The following PPFIBP2 variants were observed in gnomAD, a reference collection of about 807,000 sequenced individuals.
The protein encoded by PPFIBP2 is PPFIB scaffold protein 2.
PPFIBP2 carries 118 observed loss-of-function variants against 118.3 expected under a neutral mutation model. The observed-to-expected ratio is 1.00, with a 90% CI of 0.86 to 1.16. The LOEUF (loss-of-function observed/expected upper bound fraction) is 1.16. Among genes scored for constraint, PPFIBP2 ranks in the 50% most tolerant of loss-of-function variants. The pLI is 0.00. For missense variants in PPFIBP2, 1,195 were observed against 1,073.1 expected, an observed-to-expected ratio of 1.11 and a Z score of -1.59; for synonymous variants, 414 against 397.4, an observed-to-expected ratio of 1.04 and a Z score of -0.50.
At chr11:7,608,627 C>T (rs1006589407) in intron 5 of PPFIBP2, among the ~76,000 whole-genome samples, 13 of 151,950 alleles carry the variant, frequency 8.6e-5, no homozygotes, top group East Asian at 1.9e-4. Flanking sequence ...GCAAAAAGAG[C>T]GAAACGCTGT....
Position 7,593,155 on chromosome 11 carries a change from T to C in PPFIBP2, c.303T>C (p.Ala101=). Residue 101 remains alanine (A), a synonymous_variant, in exon 4 of 24, where the codon GCT becomes GCC. Coordinates refer to ENST00000299492, the MANE Select transcript of PPFIBP2 (RefSeq NM_003621.5). ...ESLSQVNHHS[A]ASNETYQERL... is the part of the protein sequence containing the mutation. ...AGTCCCAGGTAAACCACCACAGTGC[T>C]GCTAGTAATGAAACCTACCAGGAAC... 1 of 1,614,116 alleles carries C rather than the reference T, an allele frequency of 6.2e-7. No homozygotes were observed.
intron 1 of PPFIBP2, among the ~76,000 whole-genome samples, chr11:7,514,647 T>G (rs75354203): frequency 0.051 from 7,693 of 152,316 alleles, 315 homozygotes; most frequent in Admixed American, 0.12. Context: ...TTTTAAAATC[T>G]AAAGCCGCCG....
At chr11:7,603,001 AT>A (rs1846860216) in intron 5 of PPFIBP2, among the ~76,000 whole-genome samples, 1 of 152,242 alleles carries the variant, frequency 6.6e-6, no homozygotes, top group Admixed American at 6.5e-5. Flanking sequence ...AGCATGAGCT[AT>A]CACACAGTGA....
intron 1 of PPFIBP2, among the ~76,000 whole-genome samples, chr11:7,520,058 G>T (rs912322753): frequency 6.6e-6 from 1 of 152,112 alleles, no homozygotes; most frequent in Non-Finnish European, 1.5e-5. Context: ...CCCAGGTTTC[G>T]GCACCAGATG....
chr11:7,661,037 T>C (rs180966999), downstream of PPFIBP2, among the ~76,000 whole-genome samples: 841 of 151,944 alleles, frequency 5.5e-3, 2 homozygotes, highest in Non-Finnish European at 9.7e-3. Context: ...TTCTTCTCTC[T>C]TTTTTTCTTT....
intron 1 of PPFIBP2, among the ~76,000 whole-genome samples, chr11:7,541,742 C>T (rs915074673): frequency 1.3e-5 from 2 of 152,200 alleles, no homozygotes; most frequent in African/African-American, 4.8e-5. Context: ...GGCTACTCAG[C>T]GTAACTTCCT....
chr11:7,525,039 C>A (rs549685577), intron 1 of PPFIBP2, among the ~76,000 whole-genome samples: 3 of 152,118 alleles, frequency 2.0e-5, no homozygotes, highest in Non-Finnish European at 4.4e-5. Context: ...CACAATGCCC[C>A]GGGCAGGGAT....
chr11:7,614,082 T>C (rs564514612), intron 6 of PPFIBP2, among the ~76,000 whole-genome samples: 52 of 152,298 alleles, frequency 3.4e-4, no homozygotes, highest in African/African-American at 1.2e-3. Flanking sequence ...TCTGGGAAGA[T>C]TGTGTTTGCT....
chr11:7,538,742 C>T (rs1170263798), intron 1 of PPFIBP2, among the ~76,000 whole-genome samples: 2 of 152,152 alleles, frequency 1.3e-5, no homozygotes, highest in Admixed American at 1.3e-4. Flanking sequence ...GTGCATAAAA[C>T]TCACTAACCT....
At chr11:7,594,115 A>G (rs1859849090) in intron 4 of PPFIBP2, among the ~76,000 whole-genome samples, 1 of 152,142 alleles carries the variant, frequency 6.6e-6, no homozygotes, top group Non-Finnish European at 1.5e-5. Flanking sequence ...CACTAAGGTT[A>G]TGAGGTGGCA....
In PPFIBP2 at chr11:7,648,670, G is replaced by T. The variant is rs921912762; in HGVS notation, c.1798-130G>T. ...GGCTGAGAGTTCCTCTGTAGCTGCA[G>T]GTTGGCATCCCAGGGCACGGTGTGG... On this transcript the variant is annotated intron_variant, in intron 18 of 23. Coordinates refer to ENST00000299492, the MANE Select transcript of PPFIBP2 (RefSeq NM_003621.5). 4.1e-5 allele frequency: 60 copies of T among 1,460,696 alleles called. 1 individual carries two copies. The South Asian group carries it at 6.1e-4, about 15-fold the overall frequency. The allele number at this position is 1,460,696 out of a possible 1,614,324, so 90.5% of individuals were successfully genotyped here.
chr11:7,582,117 C>T (rs930057318), intron 3 of PPFIBP2, among the ~76,000 whole-genome samples: 4 of 120,780 alleles, frequency 3.3e-5, no homozygotes, highest in African/African-American at 1.3e-4. Context: ...GGATTACAGG[C>T]GTGAGCCACC....
intron 2 of PPFIBP2, among the ~76,000 whole-genome samples, chr11:7,559,375 G>T (rs1190109873): frequency 6.6e-6 from 1 of 152,096 alleles, no homozygotes; most frequent in Non-Finnish European, 1.5e-5. Context: ...TTTTACAGGA[G>T]GTAATTGTGG....
At chr11:7,664,280 C>T in the PPFIBP2 span, among the ~76,000 whole-genome samples, 14 of 152,146 alleles carry the variant, frequency 9.2e-5, no homozygotes, top group South Asian at 1.2e-3. Flanking sequence ...CCAGGTATGC[C>T]GGAGAGGAAG....
At chr11:7,543,428 C>T (rs976147985) in intron 1 of PPFIBP2, among the ~76,000 whole-genome samples, 6 of 152,178 alleles carry the variant, frequency 3.9e-5, no homozygotes, top group Admixed American at 3.3e-4. Context: ...CTGAGGCCTC[C>T]TTCCCCAGGC....
intron 3 of PPFIBP2, among the ~76,000 whole-genome samples, chr11:7,592,048 C>T (rs1859411316): frequency 6.6e-6 from 1 of 152,214 alleles, no homozygotes; most frequent in African/African-American, 2.4e-5. Context: ...TAAGACTTTC[C>T]TCTAGGGTGG....
chr11:7,579,888 T>C (rs1857008903), intron 3 of PPFIBP2, among the ~76,000 whole-genome samples: 1 of 152,010 alleles, frequency 6.6e-6, no homozygotes, highest in African/African-American at 2.4e-5. Context: ...ATTGGCAGTG[T>C]GATAAGAGTA....
intron 2 of PPFIBP2, among the ~76,000 whole-genome samples, chr11:7,562,825 C>T (rs1236992915): frequency 1.3e-5 from 2 of 150,288 alleles, no homozygotes; most frequent in Non-Finnish European, 3.0e-5. Context: ...AGCTCAGGGA[C>T]AAAATATTTA....
intron 6 of PPFIBP2, among the ~76,000 whole-genome samples, chr11:7,613,387 G>A (rs1848287554): frequency 6.6e-6 from 1 of 152,190 alleles, no homozygotes; most frequent in South Asian, 2.1e-4. Context: ...CATTCTGTAA[G>A]ACCTAGGGAC....
Sources: allele counts gnomAD v4.1 joint callset (sites outside exome capture counted in the v4.1 genomes callset), GRCh38; gene constraint gnomAD v4.1.1; transcripts MANE v1.5; gene names NCBI Gene and HGNC (gene_info 2026-07-23, HGNC 2026-07-21).